XPOT: variants seen among roughly 807,000 people sequenced by gnomAD.
The protein encoded by XPOT is exportin-T.
In XPOT, 34 loss-of-function variants were observed where a neutral mutation model predicts 128.2. The ratio of observed to expected loss-of-function variants is 0.27; its 90% CI spans 0.20 to 0.35. The LOEUF (loss-of-function observed/expected upper bound fraction) is 0.35, where lower values mean the gene tolerates loss of function less well. Among genes scored for constraint, XPOT ranks in the 10% least tolerant of loss-of-function variants. XPOT has a pLI of 1.00. For synonymous variants in XPOT, 348 were observed against 394.3 expected, an observed-to-expected ratio of 0.88 and a Z score of 1.39; for missense variants, 838 against 1,125.3, an observed-to-expected ratio of 0.74 and a Z score of 3.65.
chr12:64,412,754 T>C (rs756249759), intron 2 of XPOT, among the ~76,000 whole-genome samples: 3 of 152,276 alleles, frequency 2.0e-5, no homozygotes, highest in South Asian at 2.1e-4. Flanking sequence ...ATGGGCTCGG[T>C]CTTACAAACC....
intron 1 of XPOT, 42 bp from the exon 2 acceptor site, chr12:64,409,920 T>G (rs1246176865): frequency 1.0e-5 from 8 of 778,246 alleles, no homozygotes; most frequent in African/African-American, 1.7e-5. Context: ...ATCTATTTGT[T>G]TATCAAGTAA....
chr12:64,404,820 G>T lies in XPOT; in HGVS notation c.-75+16G>T, dbSNP rs1322456354. The stretch of plus-strand genomic sequence containing the variant: ...GATAGGGAAGGTGACTCGGGGCTCG[G>T]GGGCAGCGGGACCGGGACCAGGTTT... On this transcript the variant is annotated intron_variant, in intron 1 of 24. Coordinates refer to ENST00000332707, the MANE Select transcript of XPOT (RefSeq NM_007235.6). 1 of 152,408 alleles carries T rather than the reference G, an allele frequency of 6.6e-6. No individual in the cohort carries two copies. The highest frequency in any genetic ancestry group is 6.5e-5 in the Admixed American group (1 of 15,292). 9.4% of individuals were successfully genotyped at this position (152,408 alleles called of 1,614,324 possible).
chr12:64,416,704 T>A lies in XPOT; in HGVS notation c.150T>A (p.Asp50Glu). The A allele has an allele frequency of 6.2e-7, 1 of 1,612,662 alleles. No homozygotes were observed. The highest frequency in any genetic ancestry group is 8.5e-7 in the Non-Finnish European group (1 of 1,179,234). Reference protein sequence around the residue: ...EALAQRTYSDDHVKFFCFQVL... With the variant: ...EALAQRTYSDEHVKFFCFQVL... Reference sequence around the variant, plus strand: ...TTCTTTTTTTCTTTTTCAGTGATGATCATGTGAAGTTTTTCTGCTTTCAAG... The same window carrying A: ...TTCTTTTTTTCTTTTTCAGTGATGAACATGTGAAGTTTTTCTGCTTTCAAG... The change falls in exon 4 of 25, where the codon GAT (aspartate) becomes GAA (glutamate). Residue 50 changes from aspartate (D) to glutamate (E), a missense_variant. By Grantham distance (45) the Asp-to-Glu change is conservative (BLOSUM62 2). Coordinates refer to ENST00000332707, the MANE Select transcript of XPOT (RefSeq NM_007235.6).
At chr12:64,415,956 C>T (rs1403935250) in intron 3 of XPOT, among the ~76,000 whole-genome samples, 1 of 152,184 alleles carries the variant, frequency 6.6e-6, no homozygotes, top group East Asian at 1.9e-4. Context: ...TGCAGTGTGG[C>T]TTTCTATGAA....
At chr12:64,406,490 T>C (rs1049712023) in intron 1 of XPOT, among the ~76,000 whole-genome samples, 2 of 152,078 alleles carry the variant, frequency 1.3e-5, no homozygotes, top group Non-Finnish European at 2.9e-5. Flanking sequence ...TGCCTCAGCC[T>C]CCCGAATAGC....
Position 64,421,330 on chromosome 12 carries a change from G to T in XPOT, c.939G>T (p.Gly313=), listed in dbSNP as rs1327395777. Reference sequence around the variant, plus strand: ...GTTGGAGTAAATTAATTAAGAATGGGGATATTAAGAATGCTCAAGAGGCAC... The same window carrying T: ...GTTGGAGTAAATTAATTAAGAATGGTGATATTAAGAATGCTCAAGAGGCAC... ...IVSWSKLIKN[G]DIKNAQEALQ... Residue 313 remains glycine, a synonymous_variant, in exon 9 of 25, where the codon GGG becomes GGT. Coordinates refer to ENST00000332707, the MANE Select transcript of XPOT (RefSeq NM_007235.6). 6.2e-7 allele frequency: 1 copy of T among 1,613,846 alleles called. No individual in the cohort carries two copies. Among genetic ancestry groups the T allele is most frequent in the South Asian group, 1.1e-5 (1 of 91,088 alleles).
At chr12:64,417,768 TCA>T (rs2040101627) in intron 4 of XPOT, among the ~76,000 whole-genome samples, 2 of 152,220 alleles carry the variant, frequency 1.3e-5, no homozygotes, top group African/African-American at 4.8e-5. Flanking sequence ...ATTCTGTAGA[TCA>T]CAGACCACAA....
At position 64,451,100 on chromosome 12, in the gene XPOT, T is replaced by C. The variant is rs776360526; in HGVS notation, c.*2969T>C. On this transcript the variant is annotated 3_prime_UTR_variant, in exon 25 of 25. Coordinates refer to ENST00000332707, the MANE Select transcript of XPOT (RefSeq NM_007235.6). Reference sequence around the variant, plus strand: ...ATCACTTATACATTGTTTAAAATGCTAATAAAGTAACTTGCTTTGTAAGAA... The same window carrying C: ...ATCACTTATACATTGTTTAAAATGCCAATAAAGTAACTTGCTTTGTAAGAA... The C allele has an allele frequency of 6.6e-6, 1 of 152,250 alleles. No homozygotes were observed. Among genetic ancestry groups the C allele is most frequent in the African/African-American group, 2.4e-5 (1 of 41,468 alleles). The allele number at this position is 152,250 out of a possible 1,614,324, so 9.4% of individuals were successfully genotyped here. A position where few individuals can be genotyped will look rare whatever the true frequency, so the allele number is the denominator to read the frequency against.
chr12:64,408,506 T>A (rs970045666), intron 1 of XPOT, among the ~76,000 whole-genome samples: 1 of 152,238 alleles, frequency 6.6e-6, no homozygotes, highest in Non-Finnish European at 1.5e-5. Context: ...GTTTGTTCCA[T>A]GTTTGCTCAA....
At chr12:64,412,609 G>A (rs1017040291) in intron 2 of XPOT, among the ~76,000 whole-genome samples, 3 of 152,140 alleles carry the variant, frequency 2.0e-5, no homozygotes, top group African/African-American at 7.2e-5. Context: ...AACTTCTAAA[G>A]AGAGACATTA....
chr12:64,425,142 A>G lies in XPOT; in HGVS notation c.1412A>G (p.Asp471Gly). Residue 471 changes from aspartate to glycine, a missense_variant, in exon 13 of 25, where the codon GAT becomes GGT. Asp to Gly is a moderately conservative substitution (Grantham distance 94). Around this residue, in one of 3 missense-constraint regions of XPOT, gnomAD observed 761 missense variants for 988.3 expected, o/e 0.77. Transcript: ENST00000332707. The part of the protein sequence containing the change: ...PVSHGAHFSG[D>G]VSKASALQDM... Reference sequence around the variant, plus strand: ...TCTCATGGTGCTCACTTCTCAGGTGATGTTTCAAAAGCTAGTGCTTTGCAG... The same window carrying G: ...TCTCATGGTGCTCACTTCTCAGGTGGTGTTTCAAAAGCTAGTGCTTTGCAG... 1 of 1,614,116 alleles carries G rather than the reference A, an allele frequency of 6.2e-7. No individual in the cohort carries two copies. The highest frequency in any genetic ancestry group is 1.7e-5 in the Admixed American group (1 of 60,012).
intron 23 of XPOT, among the ~76,000 whole-genome samples, chr12:64,439,948 GTT>G (rs1186173738): frequency 6.6e-6 from 1 of 152,098 alleles, no homozygotes; most frequent in Non-Finnish European, 1.5e-5. Flanking sequence ...CATCAATAGT[GTT>G]TTTATTTTAT....
At chr12:64,408,865 G>C (rs1366990554) in intron 1 of XPOT, among the ~76,000 whole-genome samples, 1 of 152,050 alleles carries the variant, frequency 6.6e-6, no homozygotes, top group Non-Finnish European at 1.5e-5. Flanking sequence ...GTAGAAACAG[G>C]GTTTCACCGT....
intron 9 of XPOT, among the ~76,000 whole-genome samples, chr12:64,422,704 G>A (rs936250920): frequency 6.6e-6 from 1 of 152,072 alleles, no homozygotes; most frequent in African/African-American, 2.4e-5. Context: ...TTTGAGACCA[G>A]CCTGGGCAAC....
rs1396140928 is a variant in XPOT, at chr12:64,450,067, A to G, written c.*1936A>G. 3 of 152,232 alleles carry G rather than the reference A, an allele frequency of 2.0e-5. No individual in the cohort carries two copies. Among genetic ancestry groups the G allele is most frequent in the African/African-American group, 7.2e-5 (3 of 41,458 alleles). The allele number at this position is 152,232 out of a possible 1,614,324, so 9.4% of individuals were successfully genotyped here. A position where few individuals can be genotyped will look rare whatever the true frequency, so the allele number is the denominator to read the frequency against. ...AGTTAAACTTGAAAAGACTTATTAC[A>G]GTAGCTGGCACATAAAGACTTGATA... is the stretch of plus-strand genomic sequence containing the variant. On this transcript the variant is annotated 3_prime_UTR_variant, in exon 25 of 25. Transcript: ENST00000332707.
intron 4 of XPOT, among the ~76,000 whole-genome samples, chr12:64,417,045 C>T (rs952484543): frequency 2.0e-5 from 3 of 151,824 alleles, no homozygotes; most frequent in East Asian, 1.9e-4. Context: ...GGTGAAACCC[C>T]GTCTCTACAA....
chr12:64,409,902 G>C, intron 1 of XPOT, 60 bp from the exon 2 acceptor site: 2 of 707,298 alleles, frequency 2.8e-6, no homozygotes, highest in Non-Finnish European at 5.0e-6. Context: ...ACGTTATTCA[G>C]GATAAGCATC....
At chr12:64,414,881 C>T (rs747328249) in intron 2 of XPOT, 26 bp from the exon 3 acceptor site, 2 of 1,471,868 alleles carry the variant, frequency 1.4e-6, no homozygotes, top group Non-Finnish European at 1.9e-6. Flanking sequence ...ATTCTAAATG[C>T]ATTTTTTTGT....
At chr12:64,410,586 TG>T (rs2040029084) in intron 2 of XPOT, among the ~76,000 whole-genome samples, 1 of 152,150 alleles carries the variant, frequency 6.6e-6, no homozygotes, top group Non-Finnish European at 1.5e-5. Context: ...TCTCCTAAAA[TG>T]CTAGGATTAT....
Sources: gnomAD v4.1 joint callset for allele counts (sites outside exome capture counted in the v4.1 genomes callset) on GRCh38, gnomAD v4.1.1 for gene constraint, gnomAD v4.1.1 regional missense constraint, MANE v1.5 for transcripts, NCBI Gene and HGNC (gene_info 2026-07-23, HGNC 2026-07-21) for gene names.